NAV3: variants seen among roughly 807,000 people sequenced by gnomAD.
The protein encoded by NAV3 is neuron navigator 3, also known as pore membrane and/or filament interacting like protein 1.
A neutral mutation model predicts 244.7 loss-of-function variants in NAV3; 87 were observed. That is an observed-to-expected ratio of 0.36 (90% CI 0.30 to 0.42). The LOEUF (loss-of-function observed/expected upper bound fraction) is 0.42. NAV3 is among the 20% of genes least tolerant of loss of function. NAV3 has a pLI of 1.00. For missense variants in NAV3, 2,663 were observed against 2,893.3 expected (o/e 0.92, Z 1.83); for synonymous variants, 1,126 against 1,042.2 (o/e 1.08, Z -1.55).
intron 12 of NAV3, among the ~76,000 whole-genome samples, chr12:78,103,972 A>G (rs1485015766): frequency 6.6e-6 from 1 of 152,248 alleles, no homozygotes; most frequent in East Asian, 1.9e-4. Flanking sequence ...TACATCATTA[A>G]AAGGTTAGAA....
Position 78,116,813 on chromosome 12 carries a change from C to G in NAV3, c.2678C>G (p.Thr893Ser), listed in dbSNP as rs562010494. ...TCAGTGAGCAGTGGTCTCAGTGACA[C>G]CCTTGATAACATCAGCACTGATGAC... Reference protein sequence around the residue: ...SSSVSSGLSDTLDNISTDDLN... With the variant: ...SSSVSSGLSDSLDNISTDDLN... The change falls in exon 13 of 40, where the codon ACC becomes AGC. Residue 893 changes from threonine to serine, a missense_variant. Coordinates refer to ENST00000397909, the MANE Select transcript of NAV3 (RefSeq NM_001024383.2). 6.2e-7 allele frequency: 1 copy of G among 1,609,816 alleles called. No individual in the cohort carries two copies. The highest frequency in any genetic ancestry group is 8.5e-7 in the Non-Finnish European group (1 of 1,177,252).
intron 5 of NAV3, among the ~76,000 whole-genome samples, chr12:77,972,892 C>T (rs1893113309): frequency 1.3e-5 from 2 of 152,062 alleles, no homozygotes; most frequent in South Asian, 4.2e-4. Flanking sequence ...AAAGAAAATT[C>T]TATTTCAACC....
intron 2 of NAV3, among the ~76,000 whole-genome samples, chr12:77,805,800 G>T (rs1358166107): frequency 1.3e-5 from 2 of 151,868 alleles, no homozygotes; most frequent in East Asian, 3.9e-4. Flanking sequence ...TGGTCCTGGG[G>T]TTTTTTTGGT....
At chr12:77,688,735 A>C (rs952850935) in intron 2 of NAV3, among the ~76,000 whole-genome samples, 1 of 151,882 alleles carries the variant, frequency 6.6e-6, no homozygotes, top group African/African-American at 2.4e-5. Flanking sequence ...GTTAGATTGT[A>C]GAGTATCTTA....
intron 2 of NAV3, among the ~76,000 whole-genome samples, chr12:77,707,565 G>T (rs896257272): frequency 4.6e-5 from 7 of 152,126 alleles, no homozygotes; most frequent in Non-Finnish European, 5.9e-5. Flanking sequence ...ATAATCCTTT[G>T]GGTATATGCC....
chr12:77,682,116 C>A (rs1051303294), intron 2 of NAV3, among the ~76,000 whole-genome samples: 1 of 152,040 alleles, frequency 6.6e-6, no homozygotes. Context: ...CTTTGACCAA[C>A]CCACACCCTG....
chr12:78,098,569 T>C (rs971071649), intron 12 of NAV3, among the ~76,000 whole-genome samples: 3 of 151,840 alleles, frequency 2.0e-5, no homozygotes, highest in African/African-American at 7.2e-5. Flanking sequence ...GAAATCAAAT[T>C]ATATCATAAA....
intron 38 of NAV3, among the ~76,000 whole-genome samples, chr12:78,202,893 TG>T (rs2140062233): frequency 1.3e-5 from 2 of 152,252 alleles, no homozygotes; most frequent in South Asian, 4.1e-4. Context: ...ATGGATTTAC[TG>T]GCAACAAAGA....
At chr12:77,731,269 G>C (rs771547914) in intron 2 of NAV3, among the ~76,000 whole-genome samples, 9 of 151,868 alleles carry the variant, frequency 5.9e-5, no homozygotes, top group Non-Finnish European at 1.2e-4. Flanking sequence ...TCCAGGGGAA[G>C]GTCTTTCAGA....
chr12:77,990,776 G>T (rs901306652), intron 5 of NAV3, among the ~76,000 whole-genome samples: 7 of 152,102 alleles, frequency 4.6e-5, no homozygotes, highest in African/African-American at 1.4e-4. Context: ...TTGGTTTTAA[G>T]TTCTTATAAG....
intron 2 of NAV3, among the ~76,000 whole-genome samples, chr12:77,823,499 C>A (rs1367813168): frequency 6.6e-6 from 1 of 152,160 alleles, no homozygotes; most frequent in African/African-American, 2.4e-5. Flanking sequence ...ACGTTTTCCC[C>A]AGCCAGAGTG....
intron 2 of NAV3, among the ~76,000 whole-genome samples, chr12:77,702,740 C>T (rs113167612): frequency 1.1e-3 from 163 of 151,968 alleles, no homozygotes; most frequent in African/African-American, 3.8e-3. Flanking sequence ...TAGTTTTATA[C>T]ACATTAGAAA....
intron 8 of NAV3, among the ~76,000 whole-genome samples, chr12:78,021,313 A>AT (rs1239728686): frequency 2.0e-5 from 3 of 152,036 alleles, no homozygotes; most frequent in Admixed American, 6.6e-5. Context: ...GAACAAAATT[A>AT]TTTTTTATTT....
Position 78,188,747 on chromosome 12 carries a change from G to A in NAV3, c.6025G>A (p.Asp2009Asn), listed in dbSNP as rs755598557. The change falls in exon 33 of 40, where the codon GAT (aspartate) becomes AAT (asparagine). Residue 2009 changes from aspartate (D) to asparagine (N), a missense_variant. Physicochemically the swap from Asp to Asn is conservative, Grantham distance 23. Transcript: ENST00000397909. ...ELLPCGYLVGDNNIITVNLKG... is the reference protein window; with the variant it reads ...ELLPCGYLVGNNNIITVNLKG... The stretch of plus-strand genomic sequence containing the variant: ...GCTGCCTTGTGGATACCTTGTTGGA[G>A]ATAATAACATCATCACTGTGAACCT... 9 of 1,611,914 alleles carry A rather than the reference G, an allele frequency of 5.6e-6. No homozygotes were observed. In the Admixed American group the frequency reaches 1.3e-4, roughly 24 times the overall value.
chr12:77,996,756 G>T (rs1872409540), intron 6 of NAV3, among the ~76,000 whole-genome samples: 1 of 152,074 alleles, frequency 6.6e-6, no homozygotes, highest in African/African-American at 2.4e-5. Context: ...TAATATGAGA[G>T]ACATTAATAA....
At chr12:77,588,325 C>A (rs698152) in intron 2 of NAV3, among the ~76,000 whole-genome samples, 58,622 of 151,674 alleles carry the variant, frequency 0.39, 11,443 homozygotes, top group Middle Eastern at 0.53. Flanking sequence ...CACTACGTTG[C>A]CCAGGCTGGT....
At chr12:77,612,060 G>GA (rs10719396) in intron 2 of NAV3, among the ~76,000 whole-genome samples, 2 of 151,654 alleles carry the variant, frequency 1.3e-5, no homozygotes, top group Non-Finnish European at 2.9e-5. Flanking sequence ...TGAACTGTTA[G>GA]AAAAAAATGC....
intron 9 of NAV3, among the ~76,000 whole-genome samples, chr12:78,026,841 A>C (rs1006912910): frequency 1.3e-5 from 2 of 152,332 alleles, no homozygotes; most frequent in East Asian, 3.9e-4. Context: ...ATGTAGCATT[A>C]AAATGAGAAC....
intron 9 of NAV3, among the ~76,000 whole-genome samples, chr12:78,038,567 G>A (rs1880315485): frequency 6.6e-6 from 1 of 152,170 alleles, no homozygotes; most frequent in Non-Finnish European, 1.5e-5. Flanking sequence ...TTTTAGAAGA[G>A]TAATCTTTCC....
Sources: allele counts gnomAD v4.1 joint callset (sites outside exome capture counted in the v4.1 genomes callset), GRCh38; gene constraint gnomAD v4.1.1; transcripts MANE v1.5; gene names NCBI Gene and HGNC (gene_info 2026-07-23, HGNC 2026-07-21).